Variants in CTNND2 observed in about 807,000 individuals in gnomAD.
CTNND2 encodes catenin delta-2.
CTNND2 carries 22 observed loss-of-function variants against 144.4 expected under a neutral mutation model. The ratio of observed to expected loss-of-function variants is 0.15; its 90% CI spans 0.11 to 0.22. CTNND2 has a LOEUF of 0.22. Among genes scored for constraint, CTNND2 ranks in the 10% least tolerant of loss-of-function variants. The probability of loss-of-function intolerance (pLI) is 1.00; values close to 1 mark genes in which losing one functional copy is unlikely to be tolerated. For synonymous variants in CTNND2, 751 were observed against 695.6 expected (o/e 1.08, Z -1.25); for missense variants, 1,353 against 1,618.8 (o/e 0.84, Z 2.82).
intron 9 of CTNND2, among the ~76,000 whole-genome samples, chr5:11,294,096 C>T (rs1397072738): frequency 4.0e-5 from 6 of 150,144 alleles, no homozygotes; most frequent in African/African-American, 1.5e-4. Flanking sequence ...GCTGCAGGAG[C>T]ACTGGTGGGT....
intron 9 of CTNND2, among the ~76,000 whole-genome samples, chr5:11,264,389 G>A (rs989139164): frequency 1.3e-5 from 2 of 152,164 alleles, no homozygotes; most frequent in African/African-American, 2.4e-5. Flanking sequence ...AACAAACAGT[G>A]GGCCAAATTT....
rs935162458 is a variant in CTNND2 at position 11,723,094 on chromosome 5, T to C, written c.174+9042A>G. ...CTTTCAAACAGCAGTTAAAAATCAC[T>C]GAAGATTTTCAACAAATATGATAAA... On this transcript the variant is annotated intron_variant, in intron 2 of 21. Coordinates refer to ENST00000304623, the MANE Select transcript of CTNND2 (RefSeq NM_001332.4). Among the ~76,000 whole-genome samples the C allele has an allele frequency of 4.0e-5, 6 of 151,878 alleles. No individual in the cohort carries two copies. In the East Asian group the frequency reaches 7.7e-4, roughly 20 times the overall value.
At chr5:11,769,151 T>C (rs1366505785) in intron 1 of CTNND2, among the ~76,000 whole-genome samples, 1 of 152,092 alleles carries the variant, frequency 6.6e-6, no homozygotes, top group Admixed American at 6.5e-5. Context: ...CCTTCAGGGA[T>C]CCAGTCCTGG....
At position 11,229,672 on chromosome 5, in the gene CTNND2, GTA is replaced by G. The variant is rs56122850; in HGVS notation, c.1761+7017_1761+7018del. The stretch of plus-strand genomic sequence containing the variant: ...TGTGTGTGTGTGTGTGTGTGTGTGT[GTA>G]TATATATAACTGTGTATATATACAC... On this transcript the variant is annotated intron_variant, in intron 10 of 21. Transcript: ENST00000304623. Among the ~76,000 whole-genome samples, 890 of 147,680 alleles carry G rather than the reference GTA, an allele frequency of 6.0e-3. 7 individuals carry two copies. Among genetic ancestry groups the G allele is most frequent in the Middle Eastern group, 0.021 (6 of 286 alleles).
In CTNND2 at chr5:11,436,027, G is replaced by A. The variant is rs112634473; in HGVS notation, c.288-23958C>T. Among the ~76,000 whole-genome samples, 291 of 152,126 alleles carry A rather than the reference G, an allele frequency of 1.9e-3. 2 individuals carry two copies. Among genetic ancestry groups the A allele is most frequent in the Middle Eastern group, 6.8e-3 (2 of 294 alleles). ...ATAACTGGAATAGGAGAAAGACGAC[G>A]GCAGGGCAGAGTTAGGTGCCTCTGA... On this transcript the variant is annotated intron_variant, in intron 3 of 21. Transcript: ENST00000304623.
chr5:11,132,040 A>C (rs1178090283), intron 12 of CTNND2, among the ~76,000 whole-genome samples: 1 of 152,190 alleles, frequency 6.6e-6, no homozygotes, highest in Non-Finnish European at 1.5e-5. Flanking sequence ...GAATACCAAT[A>C]ACCATCATCA....
intron 3 of CTNND2, among the ~76,000 whole-genome samples, chr5:11,418,700 G>A (rs992728336): frequency 2.6e-5 from 4 of 152,170 alleles, no homozygotes; most frequent in Non-Finnish European, 4.4e-5. Context: ...GTCGCACCTG[G>A]TTACTACTTG....
chr5:11,555,513 C>T (rs939639548), intron 3 of CTNND2, among the ~76,000 whole-genome samples: 1 of 151,954 alleles, frequency 6.6e-6, no homozygotes, highest in Non-Finnish European at 1.5e-5. Context: ...TCCTGCTATT[C>T]GGGAGGAGAA....
intron 1 of CTNND2, among the ~76,000 whole-genome samples, chr5:11,848,087 A>AT (rs1330812227): frequency 1.3e-5 from 2 of 152,042 alleles, no homozygotes; most frequent in East Asian, 1.9e-4. Flanking sequence ...ATTTTCATAG[A>AT]TTTTTCTCCC....
At chr5:11,153,596 G>A (rs1757947308) in intron 12 of CTNND2, among the ~76,000 whole-genome samples, 1 of 152,162 alleles carries the variant, frequency 6.6e-6, no homozygotes, top group Non-Finnish European at 1.5e-5. Context: ...GTGGGACCAA[G>A]CACTCATCCA....
At chr5:11,517,770 C>A (rs1046838009) in intron 3 of CTNND2, among the ~76,000 whole-genome samples, 1 of 151,096 alleles carries the variant, frequency 6.6e-6, no homozygotes, top group Non-Finnish European at 1.5e-5. Context: ...GCCTGTGTAT[C>A]CCAGAACTTA....
rs754543956 is a variant in CTNND2 at position 11,212,924 on chromosome 5, C to T, written c.1762-13263G>A. Among the ~76,000 whole-genome samples the T allele has an allele frequency of 4.0e-4, 61 of 152,284 alleles. 1 individual carries two copies. The highest frequency in any genetic ancestry group is 3.4e-3 in the Middle Eastern group (1 of 294). On this transcript the variant is annotated intron_variant, in intron 10 of 21. Transcript: ENST00000304623. ...CACATAAATGAGGTGATAGGACCCA[C>T]ACATGGTTTCTGGGCAGGAATGACA... is the stretch of plus-strand genomic sequence containing the variant.
At chr5:11,491,616 C>T (rs926558613) in intron 3 of CTNND2, among the ~76,000 whole-genome samples, 21 of 152,178 alleles carry the variant, frequency 1.4e-4, no homozygotes, top group Admixed American at 6.6e-4. Flanking sequence ...ATCTCATATG[C>T]AGAGCAGAAT....
intron 3 of CTNND2, among the ~76,000 whole-genome samples, chr5:11,549,219 T>A: frequency 6.6e-6 from 1 of 152,190 alleles, no homozygotes; most frequent in East Asian, 1.9e-4. Flanking sequence ...GCATAAAGAC[T>A]ATAGGTTGCT....
chr5:11,584,450 A>G (rs1325081658), intron 2 of CTNND2, among the ~76,000 whole-genome samples: 1 of 150,616 alleles, frequency 6.6e-6, no homozygotes, highest in Non-Finnish European at 1.5e-5. Context: ...GGAAGCTAGT[A>G]CTGTTTAAAG....
chr5:11,716,728 C>T (rs528275456), intron 2 of CTNND2, among the ~76,000 whole-genome samples: 9 of 151,876 alleles, frequency 5.9e-5, no homozygotes, highest in Admixed American at 2.6e-4. Context: ...GCTCTGTCAC[C>T]GAGGCTGGAG....
At chr5:11,255,951 C>G (rs1294685849) in intron 9 of CTNND2, among the ~76,000 whole-genome samples, 1 of 152,196 alleles carries the variant, frequency 6.6e-6, no homozygotes, top group East Asian at 1.9e-4. Context: ...CAAACCCCAG[C>G]ATTTTACTGA....
chr5:11,013,707 T>C (rs1023636726), intron 18 of CTNND2, among the ~76,000 whole-genome samples: 7 of 152,202 alleles, frequency 4.6e-5, no homozygotes, highest in Admixed American at 3.9e-4. Flanking sequence ...CAGCTGACAT[T>C]AAAGCCATTT....
At chr5:11,298,111 T>C (rs2530215) in intron 9 of CTNND2, among the ~76,000 whole-genome samples, 73,331 of 151,972 alleles carry the variant, frequency 0.48, 17,985 homozygotes, top group African/African-American at 0.55. Flanking sequence ...TTACGCCCTA[T>C]GAAAACGATG....
Sources: gnomAD v4.1 joint callset for allele counts (sites outside exome capture counted in the v4.1 genomes callset) on GRCh38, gnomAD v4.1.1 for gene constraint, MANE v1.5 for transcripts, NCBI Gene and HGNC (gene_info 2026-07-23, HGNC 2026-07-21) for gene names.